Variants in CYP2C19 observed in about 807,000 individuals in gnomAD.
The protein encoded by CYP2C19 is cytochrome P450 family 2 subfamily C member 19.
A neutral mutation model predicts 40.9 loss-of-function variants in CYP2C19; 59 were observed. That is an observed-to-expected ratio of 1.44 (90% CI 1.17 to 1.79). The LOEUF is 1.79. Among genes scored for constraint, CYP2C19 ranks in the 40% most tolerant of loss-of-function variants. The pLI, the probability that CYP2C19 is intolerant of heterozygous loss-of-function variation, is 0.00. For synonymous variants in CYP2C19, 253 were observed against 208.7 expected (o/e 1.21, Z -1.83); for missense variants, 754 against 596.9 (o/e 1.26, Z -2.74).
intron 5 of CYP2C19, among the ~76,000 whole-genome samples, chr10:94,784,520 G>A (rs1287149535): frequency 6.6e-6 from 1 of 152,050 alleles, no homozygotes; most frequent in Non-Finnish European, 1.5e-5. Context: ...CAATGTAGAA[G>A]GATTTCTGTT....
At chr10:94,849,065 T>G (rs1849614109) in intron 7 of CYP2C19, among the ~76,000 whole-genome samples, 1 of 152,210 alleles carries the variant, frequency 6.6e-6, no homozygotes, top group Admixed American at 6.5e-5. Flanking sequence ...TGAATGCCCT[T>G]TATTCCCTTC....
chr10:94,771,023 G>A (rs1054690103), intron 1 of CYP2C19, among the ~76,000 whole-genome samples: 5 of 152,128 alleles, frequency 3.3e-5, no homozygotes, highest in Non-Finnish European at 7.4e-5. Context: ...TCTAACAATA[G>A]CATGACATCT....
chr10:94,835,235 T>C (rs1353184928), intron 6 of CYP2C19, among the ~76,000 whole-genome samples: 1 of 152,188 alleles, frequency 6.6e-6, no homozygotes, highest in Non-Finnish European at 1.5e-5. Flanking sequence ...AGGCCCTGAC[T>C]ATCTGCTTGA....
chr10:94,820,570 G>C lies in CYP2C19; in HGVS notation c.894G>C (p.Gly298=). 1 of 1,614,142 alleles carries C rather than the reference G, an allele frequency of 6.2e-7. No homozygotes were observed. Among genetic ancestry groups the C allele is most frequent in the Non-Finnish European group, 8.5e-7 (1 of 1,180,032 alleles). ...VITAADLLGA[G]TETTSTTLRY... Reference sequence around the variant, plus strand: ...CTGCAGCTGACTTACTTGGAGCTGGGACAGAGACAACAAGCACAACCCTGA... The same window carrying C: ...CTGCAGCTGACTTACTTGGAGCTGGCACAGAGACAACAAGCACAACCCTGA... The change falls in exon 6 of 9, where the codon GGG becomes GGC. Residue 298 remains glycine, a synonymous_variant. Transcript: ENST00000371321.
intron 5 of CYP2C19, among the ~76,000 whole-genome samples, chr10:94,815,614 T>C (rs1325896306): frequency 2.0e-5 from 3 of 152,232 alleles, no homozygotes; most frequent in Non-Finnish European, 4.4e-5. Context: ...TGTGGGCAAT[T>C]AATGTCCTTA....
chr10:94,780,257 C>G (rs913124729), intron 3 of CYP2C19, among the ~76,000 whole-genome samples: 3 of 151,908 alleles, frequency 2.0e-5, no homozygotes, highest in African/African-American at 7.3e-5. Flanking sequence ...ACAAATAGGC[C>G]GGGAATGTAA....
At chr10:94,765,506 G>A (rs1261951324) in intron 1 of CYP2C19, among the ~76,000 whole-genome samples, 6 of 152,216 alleles carry the variant, frequency 3.9e-5, no homozygotes, top group African/African-American at 1.4e-4. Flanking sequence ...CTGGTGAGTG[G>A]CTGGAAAGGG....
intron 1 of CYP2C19, 184 bp from the exon 2 acceptor site, chr10:94,774,874 C>A: frequency 1.5e-6 from 1 of 648,684 alleles, no homozygotes; most frequent in Non-Finnish European, 2.6e-6. Flanking sequence ...CCTTGAACAT[C>A]ATAGGCCATC....
At position 94,811,399 on chromosome 10, in the gene CYP2C19, G is replaced by A. The variant is rs150507025; in HGVS notation, c.820-9097G>A. Reference sequence around the variant, plus strand: ...AGTTCTTTAGATATCTATTATGCCCGCTTGGTCCAGAGCTTAGTTCAAGTC... The same window carrying A: ...AGTTCTTTAGATATCTATTATGCCCACTTGGTCCAGAGCTTAGTTCAAGTC... On this transcript the variant is annotated intron_variant, in intron 5 of 8. Coordinates refer to ENST00000371321, the MANE Select transcript of CYP2C19 (RefSeq NM_000769.4). Among the ~76,000 whole-genome samples the A allele has an allele frequency of 3.2e-3, 482 of 152,108 alleles. 3 individuals carry two copies. The highest frequency in any genetic ancestry group is 0.011 in the African/African-American group (449 of 41,478).
intron 6 of CYP2C19, among the ~76,000 whole-genome samples, chr10:94,837,277 A>G (rs1319634385): frequency 6.6e-6 from 1 of 152,108 alleles, no homozygotes; most frequent in Non-Finnish European, 1.5e-5. Context: ...TAGGTCCTTA[A>G]CAATCTTTTG....
intron 5 of CYP2C19, among the ~76,000 whole-genome samples, chr10:94,785,916 G>C (rs1199179124): frequency 6.6e-6 from 1 of 152,194 alleles, no homozygotes; most frequent in South Asian, 2.1e-4. Flanking sequence ...TAACATTAGA[G>C]TGGGTTGGCC....
chr10:94,850,082 G>T (rs1440101035), intron 8 of CYP2C19, 24 bp downstream of exon 8: 2 of 1,612,338 alleles, frequency 1.2e-6, no homozygotes, highest in Admixed American at 1.7e-5. Context: ...ATTTCCCTTT[G>T]TGTTTCAGGG....
At chr10:94,829,063 G>T (rs1849282030) in intron 6 of CYP2C19, among the ~76,000 whole-genome samples, 1 of 152,146 alleles carries the variant, frequency 6.6e-6, no homozygotes, top group African/African-American at 2.4e-5. Flanking sequence ...CCCTTTGAGG[G>T]TAACCCGACC....
intron 6 of CYP2C19, among the ~76,000 whole-genome samples, chr10:94,822,051 C>A (rs1849131045): frequency 6.6e-6 from 1 of 152,066 alleles, no homozygotes; most frequent in Non-Finnish European, 1.5e-5. Context: ...ATTTGGTTTT[C>A]TGTTCTTGTA....
intron 5 of CYP2C19, among the ~76,000 whole-genome samples, chr10:94,796,331 G>A (rs1028315287): frequency 1.3e-5 from 2 of 152,058 alleles, no homozygotes; most frequent in Non-Finnish European, 2.9e-5. Context: ...TATTTCTGAG[G>A]GCTCTGTTCT....
At position 94,836,397 on chromosome 10, in the gene CYP2C19, T is replaced by C. The variant is rs1045929550; in HGVS notation, c.962-6440T>C. 5.3e-5 allele frequency among the ~76,000 whole-genome samples: 8 copies of C among 152,140 alleles called. No individual in the cohort carries two copies. The South Asian group carries it at 6.2e-4, about 12-fold the overall frequency. On this transcript the variant is annotated intron_variant, in intron 6 of 8. Transcript: ENST00000371321. ...AAGGACTCCTAGAGCTATTCCTGTT[T>C]TTTTTCTGTGTTATATAAAGAAAAG... is the stretch of plus-strand genomic sequence containing the variant.
chr10:94,826,665 A>C (rs1350681538), intron 6 of CYP2C19, among the ~76,000 whole-genome samples: 1 of 152,176 alleles, frequency 6.6e-6, no homozygotes, highest in East Asian at 1.9e-4. Context: ...TCTCCTGCCT[A>C]ATTGCCCTGG....
intron 5 of CYP2C19, among the ~76,000 whole-genome samples, chr10:94,803,057 T>C (rs2134254460): frequency 6.6e-6 from 1 of 152,298 alleles, no homozygotes; most frequent in Admixed American, 6.5e-5. Flanking sequence ...ATCTGTCATT[T>C]CTGAGTTGCC....
chr10:94,821,941 C>A (rs1651610236), intron 6 of CYP2C19, among the ~76,000 whole-genome samples: 1 of 152,074 alleles, frequency 6.6e-6, no homozygotes, highest in South Asian at 2.1e-4. Flanking sequence ...CATCCCTTCT[C>A]TCCCTCCCCT....
Sources: gnomAD v4.1 joint callset for allele counts (sites outside exome capture counted in the v4.1 genomes callset) on GRCh38, gnomAD v4.1.1 for gene constraint, MANE v1.5 for transcripts, NCBI Gene and HGNC (gene_info 2026-07-23, HGNC 2026-07-21) for gene names.